DIAPH3: variants seen among roughly 807,000 people sequenced by gnomAD.
DIAPH3 encodes protein diaphanous homolog 3.
DIAPH3 carries 117 observed loss-of-function variants against 144.3 expected under a neutral mutation model. The observed-to-expected ratio is 0.81, with a 90% CI of 0.70 to 0.95. The LOEUF is 0.95. Among genes scored for constraint, DIAPH3 ranks in the 40% least tolerant of loss-of-function variants. DIAPH3 has a pLI of 0.00. For synonymous variants in DIAPH3, 519 were observed against 488.9 expected (o/e 1.06, Z -0.81); for missense variants, 1,421 against 1,412.7 (o/e 1.01, Z -0.09).
intron 27 of DIAPH3, among the ~76,000 whole-genome samples, chr13:59,714,279 G>A (rs1391330663): frequency 4.7e-5 from 7 of 149,616 alleles, no homozygotes; most frequent in African/African-American, 1.7e-4. Flanking sequence ...AGAATGGCGT[G>A]AACCCGGGAG....
At chr13:59,858,068 T>C (rs879930007) in intron 22 of DIAPH3, among the ~76,000 whole-genome samples, 6 of 152,184 alleles carry the variant, frequency 3.9e-5, no homozygotes, top group Admixed American at 6.6e-5. Flanking sequence ...AAAGCTGTTG[T>C]CTATAGAAGT....
chr13:59,848,082 C>CCAAATAGTGAGGT (rs2042752090), intron 22 of DIAPH3, among the ~76,000 whole-genome samples: 1 of 152,140 alleles, frequency 6.6e-6, no homozygotes, highest in Admixed American at 6.6e-5. Flanking sequence ...CCAAATACTT[C>CCAAATAGTGAGGT]TTACCACCCT....
intron 27 of DIAPH3, among the ~76,000 whole-genome samples, chr13:59,702,853 G>A (rs1163539671): frequency 1.3e-5 from 2 of 152,010 alleles, no homozygotes; most frequent in Non-Finnish European, 2.9e-5. Flanking sequence ...CTTCTGCATT[G>A]AGTCCCTATC....
At chr13:60,109,207 T>C (rs1020959420) in intron 3 of DIAPH3, among the ~76,000 whole-genome samples, 2 of 151,978 alleles carry the variant, frequency 1.3e-5, no homozygotes, top group Admixed American at 1.3e-4. Flanking sequence ...GTGAAGTGTG[T>C]GTCACAGAGA....
At chr13:59,761,932 G>C (rs2037611416) in intron 27 of DIAPH3, among the ~76,000 whole-genome samples, 1 of 151,806 alleles carries the variant, frequency 6.6e-6, no homozygotes, top group South Asian at 2.1e-4. Context: ...ACAGCTGCTA[G>C]ATGGAAGCTC....
At chr13:59,865,075 C>CT (rs1302570579) in intron 21 of DIAPH3, among the ~76,000 whole-genome samples, 4 of 152,092 alleles carry the variant, frequency 2.6e-5, no homozygotes, top group Middle Eastern at 3.4e-3. Context: ...CATTTATGCT[C>CT]TAACATTCTC....
intron 4 of DIAPH3, among the ~76,000 whole-genome samples, chr13:60,069,063 G>C (rs1255332628): frequency 2.0e-5 from 3 of 152,136 alleles, no homozygotes; most frequent in African/African-American, 7.2e-5. Context: ...ACACCATACT[G>C]TTTTCAACAA....
intron 5 of DIAPH3, among the ~76,000 whole-genome samples, chr13:60,028,636 A>G (rs1188119636): frequency 6.6e-6 from 1 of 152,038 alleles, no homozygotes; most frequent in Non-Finnish European, 1.5e-5. Context: ...CCACACTGGG[A>G]TTGCATCCAT....
chr13:59,784,847 G>C (rs532632676), intron 25 of DIAPH3, among the ~76,000 whole-genome samples: 4 of 150,810 alleles, frequency 2.7e-5, no homozygotes, highest in Non-Finnish European at 5.9e-5. Flanking sequence ...AACCACACAC[G>C]CGCGCACACA....
At chr13:59,915,088 T>C (rs1211815996) in intron 19 of DIAPH3, among the ~76,000 whole-genome samples, 1 of 152,088 alleles carries the variant, frequency 6.6e-6, no homozygotes, top group African/African-American at 2.4e-5. Flanking sequence ...AACTAATTCA[T>C]TATAAGAAAT....
chr13:59,915,331 T>C (rs2047176527), intron 19 of DIAPH3, among the ~76,000 whole-genome samples: 1 of 152,080 alleles, frequency 6.6e-6, no homozygotes. Flanking sequence ...GAAGACAAGA[T>C]AGGAAAGGCA....
chr13:60,049,104 T>C (rs1464842629), intron 4 of DIAPH3, among the ~76,000 whole-genome samples: 1 of 152,156 alleles, frequency 6.6e-6, no homozygotes, highest in Non-Finnish European at 1.5e-5. Context: ...TCACTACTGA[T>C]AAATGCAACA....
chr13:59,944,793 A>AAG (rs1169136152), intron 17 of DIAPH3, among the ~76,000 whole-genome samples: 1 of 96,040 alleles, frequency 1.0e-5, no homozygotes, highest in African/African-American at 3.2e-5. Context: ...GTTAGAAAAA[A>AAG]AGGGGGGGGG....
intron 23 of DIAPH3, among the ~76,000 whole-genome samples, chr13:59,835,361 T>C (rs2041991530): frequency 6.6e-6 from 1 of 150,840 alleles, no homozygotes; most frequent in Admixed American, 6.6e-5. Flanking sequence ...ATAAGTATGA[T>C]GTAGAAAAAA....
chr13:59,788,357 T>C (rs1377489649), intron 25 of DIAPH3, among the ~76,000 whole-genome samples: 1 of 152,198 alleles, frequency 6.6e-6, no homozygotes, highest in African/African-American at 2.4e-5. Flanking sequence ...TGGTGGCTCA[T>C]GCCTATAATC....
At chr13:60,074,317 T>G (rs1371547717) in intron 4 of DIAPH3, among the ~76,000 whole-genome samples, 1 of 152,208 alleles carries the variant, frequency 6.6e-6, no homozygotes, top group African/African-American at 2.4e-5. Flanking sequence ...TCACATTAAC[T>G]ACCCCAAGTT....
At chr13:60,046,972 CG>C (rs1178114649) in intron 4 of DIAPH3, among the ~76,000 whole-genome samples, 2 of 149,086 alleles carry the variant, frequency 1.3e-5, no homozygotes, top group Non-Finnish European at 3.0e-5. Context: ...CGGGGCTTTT[CG>C]GGGGGTTGGG....
chr13:59,903,334 T>C (rs532070831), intron 20 of DIAPH3, among the ~76,000 whole-genome samples: 3 of 152,342 alleles, frequency 2.0e-5, no homozygotes, highest in African/African-American at 4.8e-5. Context: ...TTGGTGGAGA[T>C]ATCCTTTCAG....
intron 24 of DIAPH3, among the ~76,000 whole-genome samples, chr13:59,822,589 C>A (rs1172706007): frequency 6.6e-6 from 1 of 151,974 alleles, no homozygotes; most frequent in Non-Finnish European, 1.5e-5. Flanking sequence ...TACAGGTGTG[C>A]ACCAACATGC....
Sources: gnomAD v4.1 joint callset for allele counts (sites outside exome capture counted in the v4.1 genomes callset) on GRCh38, gnomAD v4.1.1 for gene constraint, MANE v1.5 for transcripts, NCBI Gene and HGNC (gene_info 2026-07-23, HGNC 2026-07-21) for gene names.